FBXW7: variants seen among roughly 807,000 people sequenced by gnomAD.
FBXW7 encodes F-box/WD repeat-containing protein 7.
Under a neutral mutation model 86.3 loss-of-function variants are expected in FBXW7, and 11 were observed. That is an observed-to-expected ratio of 0.13 (90% CI 0.08 to 0.21). The LOEUF (loss-of-function observed/expected upper bound fraction) is 0.21, where lower values mean the gene tolerates loss of function less well. Ranked by LOEUF, FBXW7 falls within the 10% of genes least tolerant of loss-of-function variation. The pLI, the probability that FBXW7 is intolerant of heterozygous loss-of-function variation, is 1.00. For missense variants in FBXW7, 488 were observed against 847.4 expected, an observed-to-expected ratio of 0.58 and a Z score of 5.27; for synonymous variants, 313 against 297.9, an observed-to-expected ratio of 1.05 and a Z score of -0.52.
In FBXW7 at chr4:152,348,581, C is replaced by G. The variant is rs1417546234; in HGVS notation, c.584+1461G>C. On this transcript the variant is annotated intron_variant, in intron 5 of 13. Transcript: ENST00000281708. ...CTTTGTCAATATAAAAAGTGAGCAA[C>G]TAAAGACAAATTTTACTAAAATGTG... 8 of 232,814 alleles carry G rather than the reference C, an allele frequency of 3.4e-5. No individual in the cohort carries two copies. The Middle Eastern group carries it at 2.7e-3, about 79-fold the overall frequency. The allele number at this position is 232,814 out of a possible 1,614,324, so 14.4% of individuals were successfully genotyped here.
chr4:152,405,357 T>C (rs971145216), intron 4 of FBXW7, among the ~76,000 whole-genome samples: 1 of 152,012 alleles, frequency 6.6e-6, no homozygotes, highest in African/African-American at 2.4e-5. Context: ...GGTATTAAGA[T>C]AGGGGATTTG....
intron 4 of FBXW7, chr4:152,382,378 A>G: frequency 7.0e-7 from 1 of 1,428,556 alleles, no homozygotes; most frequent in Non-Finnish European, 9.2e-7. Context: ...TACATGTAAT[A>G]CAGGCACATT....
rs1434131034 is a variant in FBXW7, at chr4:152,322,276, G to A, written c.*605C>T. ...ATGTATATGGAAGCAACAGTAAATA[G>A]ATTAACAGAGGCTAATACTGTGATT... On this transcript the variant is annotated 3_prime_UTR_variant, in exon 14 of 14. Coordinates refer to ENST00000281708, the MANE Select transcript of FBXW7 (RefSeq NM_001349798.2). The A allele has an allele frequency of 1.0e-5, 2 of 198,340 alleles. No homozygotes were observed. The highest frequency in any genetic ancestry group is 5.0e-5 in the African/African-American group (2 of 39,836). 12.3% of individuals were successfully genotyped at this position (198,340 alleles called of 1,614,324 possible).
At chr4:152,409,356 A>C (rs550912392) in intron 4 of FBXW7, among the ~76,000 whole-genome samples, 9 of 152,308 alleles carry the variant, frequency 5.9e-5, no homozygotes, top group South Asian at 2.1e-4. Flanking sequence ...TTAACTTTAT[A>C]ATGATCAAGA....
intron 2 of FBXW7, among the ~76,000 whole-genome samples, chr4:152,519,722 T>C (rs1748832664): frequency 6.6e-6 from 1 of 152,258 alleles, no homozygotes; most frequent in South Asian, 2.1e-4. Context: ...ACGAGTCTGT[T>C]AATCTGCCTT....
intron 2 of FBXW7, among the ~76,000 whole-genome samples, chr4:152,517,774 T>A (rs17028956): frequency 0.04 from 6,153 of 152,292 alleles, 410 homozygotes; most frequent in African/African-American, 0.14. Flanking sequence ...ATATTATTTG[T>A]ATAGTGGTGC....
chr4:152,523,967 G>T (rs1579430632), intron 2 of FBXW7, among the ~76,000 whole-genome samples: 1 of 152,138 alleles, frequency 6.6e-6, no homozygotes, highest in Admixed American at 6.5e-5. Flanking sequence ...ATTCCAAATA[G>T]TAACACGTTC....
chr4:152,427,355 T>A (rs774860002), intron 2 of FBXW7, among the ~76,000 whole-genome samples: 1 of 152,222 alleles, frequency 6.6e-6, no homozygotes, highest in Non-Finnish European at 1.5e-5. Flanking sequence ...TGGCCGTGCA[T>A]TGAGTGCTAA....
chr4:152,491,366 T>C (rs1745837983), intron 2 of FBXW7, among the ~76,000 whole-genome samples: 1 of 152,148 alleles, frequency 6.6e-6, no homozygotes, highest in Non-Finnish European at 1.5e-5. Flanking sequence ...AATAGATATA[T>C]CTTTCCCTCC....
intron 2 of FBXW7, among the ~76,000 whole-genome samples, chr4:152,482,197 T>C (rs368326851): frequency 6.6e-6 from 1 of 152,208 alleles, no homozygotes; most frequent in Admixed American, 6.5e-5. Context: ...GGAAAAAGAT[T>C]AGAACAACTC....
intron 2 of FBXW7, among the ~76,000 whole-genome samples, chr4:152,480,733 A>C (rs1328272711): frequency 6.6e-6 from 1 of 152,230 alleles, no homozygotes; most frequent in African/African-American, 2.4e-5. Flanking sequence ...TTCTGCACAG[A>C]AGATCAAACC....
chr4:152,425,695 G>GCTAA (rs1739321203), intron 2 of FBXW7, among the ~76,000 whole-genome samples: 3 of 152,120 alleles, frequency 2.0e-5, no homozygotes, highest in Middle Eastern at 6.8e-3. Flanking sequence ...GACCCTGGGA[G>GCTAA]CTAAGCATAG....
chr4:152,369,018 A>G (rs1733744976), intron 4 of FBXW7, among the ~76,000 whole-genome samples: 1 of 152,120 alleles, frequency 6.6e-6, no homozygotes, highest in Admixed American at 6.6e-5. Context: ...AAAGTCACTC[A>G]GGAAACTGTT....
At chr4:152,522,124 T>G (rs1379198727) in intron 2 of FBXW7, among the ~76,000 whole-genome samples, 1 of 152,112 alleles carries the variant, frequency 6.6e-6, no homozygotes, top group Non-Finnish European at 1.5e-5. Context: ...CTCCAAGGTT[T>G]CCCCCAATAG....
At chr4:152,470,813 C>T (rs893433763) in intron 2 of FBXW7, among the ~76,000 whole-genome samples, 5 of 152,148 alleles carry the variant, frequency 3.3e-5, no homozygotes, top group South Asian at 4.1e-4. Context: ...TCATGCCTCA[C>T]GGAGATTAAG....
At position 152,474,960 on chromosome 4, in the gene FBXW7, G is replaced by A. The variant is rs181437115; in HGVS notation, c.-120+59981C>T. Among the ~76,000 whole-genome samples the A allele has an allele frequency of 2.8e-4, 42 of 152,086 alleles. No individual in the cohort carries two copies. The East Asian group carries it at 5.8e-3, about 21-fold the overall frequency. ...ATTACAGGCGTGAGCCACCACGCCC[G>A]GCATGGTAGCAAACGCCAGTAATCC... On this transcript the variant is annotated intron_variant, in intron 2 of 13. Transcript: ENST00000281708.
chr4:152,414,494 G>GT (rs748327390), intron 2 of FBXW7, among the ~76,000 whole-genome samples: 6 of 152,030 alleles, frequency 3.9e-5, no homozygotes, highest in African/African-American at 4.8e-5. Context: ...GACTATAAAA[G>GT]TATCATTCGT....
chr4:152,387,914 T>C (rs1735678851), intron 4 of FBXW7, among the ~76,000 whole-genome samples: 1 of 152,010 alleles, frequency 6.6e-6, no homozygotes, highest in South Asian at 2.1e-4. Flanking sequence ...TTTACTATGT[T>C]GGCCAGGCTG....
chr4:152,357,936 C>T (rs1423554056), intron 4 of FBXW7, among the ~76,000 whole-genome samples: 1 of 152,140 alleles, frequency 6.6e-6, no homozygotes, highest in African/African-American at 2.4e-5. Context: ...ACAGAGCTGT[C>T]AGACTAATAC....
Sources: gnomAD v4.1 joint callset for allele counts (sites outside exome capture counted in the v4.1 genomes callset) on GRCh38, gnomAD v4.1.1 for gene constraint, MANE v1.5 for transcripts, NCBI Gene and HGNC (gene_info 2026-07-23, HGNC 2026-07-21) for gene names.